CHCHD6: variants seen among roughly 807,000 people sequenced by gnomAD.
CHCHD6 encodes MICOS complex subunit MIC25.
In CHCHD6, 28 loss-of-function variants were observed where a neutral mutation model predicts 32.3. That is an observed-to-expected ratio of 0.87 (90% CI 0.64 to 1.19). The LOEUF is 1.19. Among genes scored for constraint, CHCHD6 ranks in the 50% most tolerant of loss-of-function variants. CHCHD6 has a pLI of 0.00. For missense variants in CHCHD6, 333 were observed against 307.0 expected (o/e 1.08, Z -0.63); for synonymous variants, 122 against 117.5 (o/e 1.04, Z -0.25).
chr3:126,782,876 G>C (rs1938013737), intron 4 of CHCHD6, among the ~76,000 whole-genome samples: 2 of 152,158 alleles, frequency 1.3e-5, no homozygotes, highest in Non-Finnish European at 2.9e-5. Context: ...TTACCAGAAG[G>C]GGGAATGGAT....
intron 6 of CHCHD6, among the ~76,000 whole-genome samples, chr3:126,933,976 A>G (rs1397341491): frequency 6.6e-6 from 1 of 152,166 alleles, no homozygotes; most frequent in East Asian, 1.9e-4. Flanking sequence ...GCCTATAACC[A>G]GAGAGCTTGC....
chr3:126,778,538 G>T (rs899512355), intron 4 of CHCHD6, among the ~76,000 whole-genome samples: 1 of 152,054 alleles, frequency 6.6e-6, no homozygotes, highest in Non-Finnish European at 1.5e-5. Context: ...CTTTTCATGT[G>T]CTTATTGGCT....
At chr3:126,706,653 C>T (rs1209000922) in intron 1 of CHCHD6, among the ~76,000 whole-genome samples, 2 of 151,994 alleles carry the variant, frequency 1.3e-5, no homozygotes, top group South Asian at 4.2e-4. Flanking sequence ...CCACGTCCTT[C>T]CTTCTGCTTG....
chr3:126,802,313 T>TG (rs1939119922), intron 4 of CHCHD6, among the ~76,000 whole-genome samples: 2 of 152,300 alleles, frequency 1.3e-5, no homozygotes, highest in East Asian at 3.9e-4. Flanking sequence ...TTGAAAATGT[T>TG]GAAAAAAATT....
chr3:126,836,619 C>T (rs943736164), intron 4 of CHCHD6, among the ~76,000 whole-genome samples: 2 of 152,202 alleles, frequency 1.3e-5, no homozygotes, highest in African/African-American at 4.8e-5. Context: ...GTACTGAAGA[C>T]AGTGCACACA....
intron 4 of CHCHD6, among the ~76,000 whole-genome samples, chr3:126,798,500 T>C (rs115761108): frequency 0.019 from 2,917 of 152,200 alleles, 96 homozygotes; most frequent in African/African-American, 0.066. Flanking sequence ...GTGGATACGG[T>C]TTTCTTTTCC....
intron 4 of CHCHD6, among the ~76,000 whole-genome samples, chr3:126,807,170 C>A (rs917394017): frequency 6.6e-6 from 1 of 150,994 alleles, no homozygotes; most frequent in Non-Finnish European, 1.5e-5. Flanking sequence ...TCACATTGTG[C>A]ACATGTACCC....
intron 5 of CHCHD6, among the ~76,000 whole-genome samples, chr3:126,897,511 G>A (rs1465863061): frequency 6.6e-6 from 1 of 152,140 alleles, no homozygotes; most frequent in Non-Finnish European, 1.5e-5. Context: ...TTTTTATTCT[G>A]TATTGTCTGT....
chr3:126,912,087 C>T (rs1053046468), intron 5 of CHCHD6, among the ~76,000 whole-genome samples: 1 of 152,012 alleles, frequency 6.6e-6, no homozygotes, highest in African/African-American at 2.4e-5. Context: ...GATGTCTCTC[C>T]ACCAACTGCA....
chr3:126,748,455 C>T (rs577474372), intron 4 of CHCHD6, among the ~76,000 whole-genome samples: 13 of 151,996 alleles, frequency 8.6e-5, no homozygotes, highest in South Asian at 2.1e-4. Context: ...ATTAGCTGGG[C>T]GTGGTGGTGG....
At chr3:126,747,641 C>T (rs1490021496) in intron 4 of CHCHD6, among the ~76,000 whole-genome samples, 2 of 152,204 alleles carry the variant, frequency 1.3e-5, no homozygotes, top group Non-Finnish European at 1.5e-5. Flanking sequence ...ATCTGCTTTA[C>T]CTCCATCTTG....
chr3:126,925,803 G>A (rs898513666), intron 6 of CHCHD6, among the ~76,000 whole-genome samples: 1 of 152,224 alleles, frequency 6.6e-6, no homozygotes, highest in Non-Finnish European at 1.5e-5. Context: ...GCCACGGAGG[G>A]CCTGGAGTGT....
At position 126,743,762 on chromosome 3, in the gene CHCHD6, A is replaced by G. The variant is rs148621619; in HGVS notation, c.411+10540A>G. The stretch of plus-strand genomic sequence containing the variant: ...CTGAGCCATCTGAGAGTGGCATTGG[A>G]GCAGCAGGTGACACCGTCCCTGACT... On this transcript the variant is annotated intron_variant, in intron 4 of 7. Coordinates refer to ENST00000290913, the MANE Select transcript of CHCHD6 (RefSeq NM_032343.3). 1.7e-3 allele frequency among the ~76,000 whole-genome samples: 252 copies of G among 152,286 alleles called. 1 individual carries two copies. Among genetic ancestry groups the G allele is most frequent in the African/African-American group, 5.9e-3 (245 of 41,552 alleles).
intron 1 of CHCHD6, among the ~76,000 whole-genome samples, chr3:126,723,933 A>G (rs1276213328): frequency 6.6e-6 from 1 of 152,086 alleles, no homozygotes; most frequent in African/African-American, 2.4e-5. Flanking sequence ...ACTAAAGTGA[A>G]CTCTTAAGGA....
At chr3:126,953,315 G>C (rs2078741892) in intron 6 of CHCHD6, 2 of 191,764 alleles carry the variant, frequency 1.0e-5, no homozygotes, top group Non-Finnish European at 9.6e-6. Context: ...GCCTGAGGAG[G>C]AGGCACCACT....
intron 5 of CHCHD6, among the ~76,000 whole-genome samples, chr3:126,901,531 T>C (rs1216343770): frequency 2.6e-5 from 4 of 152,158 alleles, no homozygotes; most frequent in Admixed American, 2.6e-4. Context: ...AGAAAAGGAA[T>C]GGATGCTAAA....
At chr3:126,829,526 T>C (rs1940545769) in intron 4 of CHCHD6, among the ~76,000 whole-genome samples, 1 of 151,974 alleles carries the variant, frequency 6.6e-6, no homozygotes. Flanking sequence ...GACTGAATGT[T>C]TGTGTCCTGA....
At chr3:126,848,249 T>C (rs1359745616) in intron 4 of CHCHD6, among the ~76,000 whole-genome samples, 2 of 152,230 alleles carry the variant, frequency 1.3e-5, no homozygotes, top group Non-Finnish European at 2.9e-5. Flanking sequence ...CTTCTATTAC[T>C]ACATTCTTGC....
rs568800041 is a variant in CHCHD6, at chr3:126,707,574, A to T, written c.87+3175A>T. Among the ~76,000 whole-genome samples the T allele has an allele frequency of 3.9e-5, 6 of 152,110 alleles. No homozygotes were observed. The South Asian group carries it at 1.2e-3, about 32-fold the overall frequency. On this transcript the variant is annotated intron_variant, in intron 1 of 7. Transcript: ENST00000290913. ...GCCGCCCTTTTTGGTGATTCAGCTG[A>T]TGTTGGTTGCTTGTGAGCATCCAGA...
Sources: gnomAD v4.1 joint callset for allele counts (sites outside exome capture counted in the v4.1 genomes callset) on GRCh38, gnomAD v4.1.1 for gene constraint, MANE v1.5 for transcripts, NCBI Gene and HGNC (gene_info 2026-07-23, HGNC 2026-07-21) for gene names.